Variants in CLPX observed in about 807,000 individuals in gnomAD.
The protein encoded by CLPX is caseinolytic mitochondrial matrix peptidase chaperone subunit X.
In CLPX, 34 loss-of-function variants were observed where a neutral mutation model predicts 76.4. That is an observed-to-expected ratio of 0.45 (90% CI 0.34 to 0.59). The LOEUF (loss-of-function observed/expected upper bound fraction) is 0.59. Ranked by LOEUF, CLPX falls within the 20% of genes least tolerant of loss-of-function variation. The pLI is 0.01. For missense variants in CLPX, 613 were observed against 757.0 expected (o/e 0.81, Z 2.23); for synonymous variants, 248 against 270.9 (o/e 0.92, Z 0.83).
At chr15:65,171,246 AG>A (rs1403099360) in intron 3 of CLPX, among the ~76,000 whole-genome samples, 1 of 152,110 alleles carries the variant, frequency 6.6e-6, no homozygotes, top group Admixed American at 6.5e-5. Flanking sequence ...CAGGAGTTCA[AG>A]ACCAGCCTAG....
At chr15:65,181,390 T>A (rs1436393045) in intron 1 of CLPX, among the ~76,000 whole-genome samples, 1 of 152,134 alleles carries the variant, frequency 6.6e-6, no homozygotes, top group Non-Finnish European at 1.5e-5. Context: ...TCAATGTACT[T>A]AATACTACCG....
At chr15:65,157,941 C>T (rs1326388438) in intron 7 of CLPX, 31 bp from the exon 8 acceptor site, 2 of 1,528,856 alleles carry the variant, frequency 1.3e-6, no homozygotes, top group Non-Finnish European at 1.8e-6. Context: ...TAAAAGTTTA[C>T]TGAAAATATA....
At chr15:65,166,046 A>G (rs1481390019) in intron 4 of CLPX, among the ~76,000 whole-genome samples, 6 of 152,256 alleles carry the variant, frequency 3.9e-5, no homozygotes, top group South Asian at 4.1e-4. Context: ...CAAATACCCA[A>G]TGGAGCTGGT....
rs116094578 is a variant in CLPX, at chr15:65,160,680, A to G, written c.715+1924T>C. Among the ~76,000 whole-genome samples, 1,453 of 151,938 alleles carry G rather than the reference A, an allele frequency of 9.6e-3. 28 individuals carry two copies. The highest frequency in any genetic ancestry group is 0.029 in the African/African-American group (1,186 of 41,378). Reference sequence around the variant, plus strand: ...ACACGATTTAGATGAATAAATGAACAAAATTGCAAGGGGCATATTAATTAC... The same window carrying G: ...ACACGATTTAGATGAATAAATGAACGAAATTGCAAGGGGCATATTAATTAC... On this transcript the variant is annotated intron_variant, in intron 6 of 13. Transcript: ENST00000300107.
intron 3 of CLPX, among the ~76,000 whole-genome samples, chr15:65,171,769 A>T (rs2088010567): frequency 6.6e-6 from 1 of 152,258 alleles, no homozygotes; most frequent in Non-Finnish European, 1.5e-5. Context: ...GCACAAGTAC[A>T]AAATATTTCT....
intron 3 of CLPX, among the ~76,000 whole-genome samples, chr15:65,171,531 C>A (rs991119362): frequency 6.6e-6 from 1 of 151,978 alleles, no homozygotes; most frequent in Admixed American, 6.6e-5. Flanking sequence ...ATTTGCTGAT[C>A]ACGTATAAAT....
intron 3 of CLPX, among the ~76,000 whole-genome samples, chr15:65,173,270 T>C (rs1172921772): frequency 6.8e-6 from 1 of 147,882 alleles, no homozygotes; most frequent in Non-Finnish European, 1.5e-5. Context: ...CTTGGGAGGC[T>C]GAGACAGAAT....
chr15:65,163,286 C>T (rs941656701), intron 5 of CLPX, among the ~76,000 whole-genome samples: 7 of 152,166 alleles, frequency 4.6e-5, no homozygotes, highest in Non-Finnish European at 1.0e-4. Context: ...GATACCATCA[C>T]ATACCTATTT....
At chr15:65,160,611 TCTCTCTCTCTCTCA>T (rs1164703504) in intron 6 of CLPX, among the ~76,000 whole-genome samples, 6 of 131,570 alleles carry the variant, frequency 4.6e-5, no homozygotes, top group East Asian at 2.3e-4. Flanking sequence ...TCTCTCTCTC[TCTCTCTCTCTCTCA>T]CACACACACA....
In CLPX at chr15:65,149,904, T is replaced by G. The variant is rs2087699036; in HGVS notation, c.*919A>C. 6.5e-6 allele frequency: 1 copy of G among 154,638 alleles called. No individual in the cohort carries two copies. Among genetic ancestry groups the G allele is most frequent in the Non-Finnish European group, 1.4e-5 (1 of 69,842 alleles). The allele number at this position is 154,638 out of a possible 1,614,324, so 9.6% of individuals were successfully genotyped here. On this transcript the variant is annotated 3_prime_UTR_variant, in exon 14 of 14. Transcript: ENST00000300107. ...AAGATGGTAAATAAATCAGACAACT[T>G]GGTAAGAAAATGGCCTTTTTTACAG...
chr15:65,185,332 T>C lies in CLPX; in HGVS notation c.-179A>G. On this transcript the variant is annotated 5_prime_UTR_variant, in exon 1 of 14. Transcript: ENST00000300107. ...CGCTTCTCTGCCCCACAGCCGTCTA[T>C]TCACCAGAGTAGACACCCAACCCCC... 1 of 570,976 alleles carries C rather than the reference T, an allele frequency of 1.8e-6. No individual in the cohort carries two copies. The highest frequency in any genetic ancestry group is 3.1e-5 in the East Asian group (1 of 31,908). The allele number at this position is 570,976 out of a possible 1,614,324, so 35.4% of individuals were successfully genotyped here.
chr15:65,152,361 C>A, intron 13 of CLPX, 69 bp downstream of exon 13: 1 of 604,302 alleles, frequency 1.7e-6, no homozygotes, highest in South Asian at 3.5e-5. Context: ...AAATGACAAA[C>A]CAATAAACAT....
rs139432464 is a variant in CLPX at position 65,181,065 on chromosome 15, A to G, written c.80-861T>C. Among the ~76,000 whole-genome samples the G allele has an allele frequency of 5.8e-3, 871 of 150,366 alleles. 4 individuals are homozygous for G. The highest frequency in any genetic ancestry group is 0.014 in the Middle Eastern group (4 of 282). The stretch of plus-strand genomic sequence containing the variant: ...AATACAAAAATTAGCTGGGTGTGCT[A>G]GCAGGCGTCTGTAATCCCAGCTACT... On this transcript the variant is annotated intron_variant, in intron 1 of 13. Coordinates refer to ENST00000300107, the MANE Select transcript of CLPX (RefSeq NM_006660.5).
chr15:65,184,767 C>A (rs1410789456), intron 1 of CLPX, among the ~76,000 whole-genome samples: 1 of 152,364 alleles, frequency 6.6e-6, no homozygotes, highest in African/African-American at 2.4e-5. Flanking sequence ...TTTTTAATAA[C>A]AGGAGCATTT....
chr15:65,153,687 C>A, intron 11 of CLPX, 48 bp from the exon 12 acceptor site: 1 of 1,146,916 alleles, frequency 8.7e-7, no homozygotes, highest in South Asian at 1.6e-5. Flanking sequence ...TTAATTTGTA[C>A]CACCAGAAAA....
intron 5 of CLPX, 48 bp from the exon 6 acceptor site, chr15:65,162,693 C>A (rs373461531): frequency 9.1e-7 from 1 of 1,096,772 alleles, no homozygotes; most frequent in Non-Finnish European, 1.4e-6. Context: ...CTTGGGGGAA[C>A]AAACAATGAG....
intron 3 of CLPX, among the ~76,000 whole-genome samples, chr15:65,170,201 G>C (rs569365984): frequency 3.3e-5 from 5 of 152,052 alleles, no homozygotes; most frequent in Non-Finnish European, 1.5e-5. Flanking sequence ...AATGGTAACC[G>C]GGGACCTCAG....
intron 3 of CLPX, among the ~76,000 whole-genome samples, chr15:65,177,026 TTA>T (rs1325904153): frequency 1.3e-5 from 2 of 152,178 alleles, no homozygotes; most frequent in Non-Finnish European, 2.9e-5. Flanking sequence ...TATAATTTTA[TTA>T]TATCACATCA....
intron 11 of CLPX, 130 bp downstream of exon 11, chr15:65,154,652 T>C (rs1329435518): frequency 9.1e-6 from 6 of 661,058 alleles, no homozygotes; most frequent in Non-Finnish European, 1.5e-5. Flanking sequence ...GATTCCTAGA[T>C]CCATATTTAG....
Sources: gnomAD v4.1 joint callset for allele counts (sites outside exome capture counted in the v4.1 genomes callset) on GRCh38, gnomAD v4.1.1 for gene constraint, MANE v1.5 for transcripts, NCBI Gene and HGNC (gene_info 2026-07-23, HGNC 2026-07-21) for gene names.